The following PRKN variants were observed in gnomAD, a reference collection of about 807,000 sequenced individuals.
PRKN encodes E3 ubiquitin-protein ligase parkin.
PRKN carries 56 observed loss-of-function variants against 59.5 expected under a neutral mutation model. The observed-to-expected ratio is 0.94, with a 90% CI of 0.76 to 1.18. The LOEUF is 1.18. Among genes scored for constraint, PRKN ranks in the 50% most tolerant of loss-of-function variants. The pLI, the probability that PRKN is intolerant of heterozygous loss-of-function variation, is 0.00. For missense variants in PRKN, 657 were observed against 596.4 expected (o/e 1.10, Z -1.06); for synonymous variants, 250 against 222.1 (o/e 1.13, Z -1.12).
chr6:161,918,723 C>T (rs189825166), intron 6 of PRKN, among the ~76,000 whole-genome samples: 132 of 152,288 alleles, frequency 8.7e-4, no homozygotes, highest in African/African-American at 3.1e-3. Flanking sequence ...CACGGCATGA[C>T]TAACACAATG....
At chr6:161,620,488 G>A (rs1166853140) in intron 7 of PRKN, among the ~76,000 whole-genome samples, 4 of 152,164 alleles carry the variant, frequency 2.6e-5, no homozygotes, top group African/African-American at 9.7e-5. Context: ...TGTTTGATAG[G>A]AATTATGTCG....
chr6:162,129,941 G>A (rs146985016), intron 4 of PRKN, among the ~76,000 whole-genome samples: 1 of 152,072 alleles, frequency 6.6e-6, no homozygotes, highest in Non-Finnish European at 1.5e-5. Context: ...GAAATAATAT[G>A]TACTAATTAA....
At chr6:161,601,393 C>G (rs571714100) in intron 7 of PRKN, among the ~76,000 whole-genome samples, 2 of 152,136 alleles carry the variant, frequency 1.3e-5, no homozygotes, top group African/African-American at 4.8e-5. Flanking sequence ...GGGTACTAAT[C>G]CAGTCATGTG....
At chr6:161,515,507 T>G (rs1330002579) in intron 9 of PRKN, among the ~76,000 whole-genome samples, 1 of 152,230 alleles carries the variant, frequency 6.6e-6, no homozygotes, top group Non-Finnish European at 1.5e-5. Flanking sequence ...TATGAGAAGC[T>G]GGATCTCAAC....
At position 162,705,867 on chromosome 6, in the gene PRKN, AG is replaced by A. The variant is rs375647601; in HGVS notation, c.7+21794del. On this transcript the variant is annotated intron_variant, in intron 1 of 11. Coordinates refer to ENST00000366898, the MANE Select transcript of PRKN (RefSeq NM_004562.3). ...TTAAGGTACTTAGAGGTAAACTCTCAGGGTGTGCAGAGCTTGGCTGTTTGAC... is the reference window on the plus strand; with the variant it reads ...TTAAGGTACTTAGAGGTAAACTCTCAGGTGTGCAGAGCTTGGCTGTTTGAC... 4.6e-5 allele frequency among the ~76,000 whole-genome samples: 7 copies of A among 152,268 alleles called. No homozygotes were observed. In the East Asian group the frequency reaches 9.7e-4, roughly 21 times the overall value.
At chr6:161,567,470 C>T (rs1340492319) in intron 8 of PRKN, among the ~76,000 whole-genome samples, 1 of 152,060 alleles carries the variant, frequency 6.6e-6, no homozygotes, top group Admixed American at 6.6e-5. Context: ...ATTTTTCACT[C>T]CTCTATCCCT....
At chr6:161,817,213 A>G (rs1470367893) in intron 6 of PRKN, among the ~76,000 whole-genome samples, 1 of 152,146 alleles carries the variant, frequency 6.6e-6, no homozygotes, top group African/African-American at 2.4e-5. Flanking sequence ...AGAAAAATCA[A>G]TGTGCTTTGT....
chr6:161,985,952 ATC>A (rs1781421147), intron 5 of PRKN, among the ~76,000 whole-genome samples: 1 of 152,150 alleles, frequency 6.6e-6, no homozygotes, highest in Non-Finnish European at 1.5e-5. Flanking sequence ...GCCTCAGTGT[ATC>A]TATCTTCAAC....
chr6:161,946,020 C>T (rs967172593), intron 6 of PRKN, among the ~76,000 whole-genome samples: 1 of 152,060 alleles, frequency 6.6e-6, no homozygotes, highest in Admixed American at 6.6e-5. Context: ...TGGTATTATA[C>T]TTATCCCTTA....
At chr6:162,330,396 C>G (rs2128124630) in intron 2 of PRKN, among the ~76,000 whole-genome samples, 1 of 152,262 alleles carries the variant, frequency 6.6e-6, no homozygotes, top group South Asian at 2.1e-4. Flanking sequence ...AAATTTTATT[C>G]TATCTGGTAT....
intron 2 of PRKN, among the ~76,000 whole-genome samples, chr6:162,403,822 C>T (rs1271457326): frequency 6.6e-6 from 1 of 152,044 alleles, no homozygotes; most frequent in Non-Finnish European, 1.5e-5. Flanking sequence ...GGGAGGAAGG[C>T]CAATGTCAGA....
chr6:161,954,125 A>C (rs1780085039), intron 6 of PRKN, among the ~76,000 whole-genome samples: 1 of 152,210 alleles, frequency 6.6e-6, no homozygotes, highest in Non-Finnish European at 1.5e-5. Flanking sequence ...ACAGTTGGGT[A>C]AGGCTTCCAG....
chr6:161,482,547 CT>C, intron 9 of PRKN, among the ~76,000 whole-genome samples: 1 of 152,330 alleles, frequency 6.6e-6, no homozygotes, highest in Non-Finnish European at 1.5e-5. Context: ...TAAATACATA[CT>C]TTCTCTACAT....
At chr6:161,991,433 C>T (rs946136620) in intron 5 of PRKN, among the ~76,000 whole-genome samples, 1 of 152,068 alleles carries the variant, frequency 6.6e-6, no homozygotes, top group Non-Finnish European at 1.5e-5. Context: ...GCGAAACAAC[C>T]AGAAACAACT....
chr6:162,307,705 A>G (rs1782295660), intron 2 of PRKN, among the ~76,000 whole-genome samples: 1 of 152,180 alleles, frequency 6.6e-6, no homozygotes, highest in Non-Finnish European at 1.5e-5. Flanking sequence ...CATGACCTTC[A>G]CAGAAAAATC....
In PRKN at chr6:162,706,499, A is replaced by C. The variant is rs536788884; in HGVS notation, c.7+21163T>G. ...AGAGGGGAGGGTTCTGTTAGGAAAG[A>C]AATAAGAGAATTGGGGAAATAAAAG... On this transcript the variant is annotated intron_variant, in intron 1 of 11. Transcript: ENST00000366898. 5.9e-5 allele frequency among the ~76,000 whole-genome samples: 9 copies of C among 152,340 alleles called. No homozygotes were observed. The South Asian group carries it at 1.7e-3, about 28-fold the overall frequency.
intron 6 of PRKN, among the ~76,000 whole-genome samples, chr6:161,830,866 A>G (rs987050230): frequency 6.6e-6 from 1 of 152,166 alleles, no homozygotes; most frequent in Non-Finnish European, 1.5e-5. Flanking sequence ...TTCTAATGGC[A>G]TCCAGCATAC....
intron 1 of PRKN, among the ~76,000 whole-genome samples, chr6:162,508,117 CA>C (rs1793688739): frequency 6.6e-6 from 1 of 152,134 alleles, no homozygotes; most frequent in South Asian, 2.1e-4. Flanking sequence ...TGGCAGGAGG[CA>C]AAAGGCACTT....
chr6:162,071,141 C>T lies in PRKN; in HGVS notation c.535-16967G>A, dbSNP rs563225053. ...ATCTGGCATTTCACTGGACGGTATT[C>T]GACATTTGCAGTTTAATATTTTGTG... On this transcript the variant is annotated intron_variant, in intron 4 of 11. Coordinates refer to ENST00000366898, the MANE Select transcript of PRKN (RefSeq NM_004562.3). Among the ~76,000 whole-genome samples, 518 of 151,614 alleles carry T rather than the reference C, an allele frequency of 3.4e-3. 2 individuals carry two copies. The highest frequency in any genetic ancestry group is 0.012 in the African/African-American group (486 of 41,394).
Sources: allele counts gnomAD v4.1 joint callset (sites outside exome capture counted in the v4.1 genomes callset), GRCh38; gene constraint gnomAD v4.1.1; transcripts MANE v1.5; gene names NCBI Gene and HGNC (gene_info 2026-07-23, HGNC 2026-07-21).